ZYG11B: variants seen among roughly 807,000 people sequenced by gnomAD.
ZYG11B encodes the protein protein zyg-11 homolog B.
Under a neutral mutation model 82.4 loss-of-function variants are expected in ZYG11B, and 36 were observed. The observed-to-expected ratio is 0.44, with a 90% CI of 0.33 to 0.58. ZYG11B has a LOEUF of 0.58. Ranked by LOEUF, ZYG11B falls within the 20% of genes least tolerant of loss-of-function variation. ZYG11B has a pLI of 0.02. For missense variants in ZYG11B, 552 were observed against 895.6 expected, an observed-to-expected ratio of 0.62 and a Z score of 4.90; for synonymous variants, 303 against 312.8, an observed-to-expected ratio of 0.97 and a Z score of 0.33.
chr1:52,744,548 A>G (rs1644460787), intron 1 of ZYG11B, among the ~76,000 whole-genome samples: 2 of 152,200 alleles, frequency 1.3e-5, no homozygotes, highest in Non-Finnish European at 2.9e-5. Context: ...TAACTACGAT[A>G]TTTCTAGAGA....
chr1:52,738,777 A>G (rs1212196356), intron 1 of ZYG11B, among the ~76,000 whole-genome samples: 1 of 150,690 alleles, frequency 6.6e-6, no homozygotes, highest in Non-Finnish European at 1.5e-5. Context: ...GCACCACCAC[A>G]CCTGGCTAAT....
intron 1 of ZYG11B, among the ~76,000 whole-genome samples, chr1:52,731,183 G>A (rs1644328932): frequency 6.6e-6 from 1 of 151,366 alleles, no homozygotes; most frequent in African/African-American, 2.4e-5. Context: ...TGAGGCAGGA[G>A]AATTGCTTGA....
chr1:52,740,534 T>C (rs185207981), intron 1 of ZYG11B, among the ~76,000 whole-genome samples: 6 of 152,102 alleles, frequency 3.9e-5, no homozygotes, highest in Non-Finnish European at 7.4e-5. Flanking sequence ...TGTTATCTAT[T>C]GTCTGTGATC....
At chr1:52,813,076 C>T (rs1339320635) in intron 10 of ZYG11B, among the ~76,000 whole-genome samples, 1 of 152,176 alleles carries the variant, frequency 6.6e-6, no homozygotes, top group Non-Finnish European at 1.5e-5. Context: ...AAATACTTTG[C>T]TTATTATAAG....
At chr1:52,794,014 C>T (rs760319763) in intron 6 of ZYG11B, among the ~76,000 whole-genome samples, 1 of 151,462 alleles carries the variant, frequency 6.6e-6, no homozygotes, top group Non-Finnish European at 1.5e-5. Context: ...CTCACTCTGT[C>T]GCCAGGCTGG....
intron 2 of ZYG11B, among the ~76,000 whole-genome samples, chr1:52,769,371 C>T (rs560328997): frequency 4.6e-5 from 7 of 151,986 alleles, no homozygotes; most frequent in African/African-American, 1.7e-4. Flanking sequence ...TTTATTTAAC[C>T]CAATATATTA....
chr1:52,768,075 T>C (rs752751397), intron 2 of ZYG11B, among the ~76,000 whole-genome samples: 52 of 152,216 alleles, frequency 3.4e-4, no homozygotes, highest in Non-Finnish European at 2.2e-4. Context: ...TAGGCCCCTA[T>C]TGGCATTTGC....
At position 52,821,429 on chromosome 1, in the gene ZYG11B, T is replaced by TC. The variant is rs1481999996; in HGVS notation, c.2045-9dup. On this transcript the variant is annotated splice_polypyrimidine_tract_variant and intron_variant, in intron 13 of 13. Coordinates refer to ENST00000294353, the MANE Select transcript of ZYG11B (RefSeq NM_024646.3). ...CTCCTGTTTTGTGTGTGTTTTTTTT[T>TC]CTTTTTCAGCTTCAAGGTATTGCAG... The TC allele has an allele frequency of 6.6e-7, 1 of 1,526,568 alleles. No homozygotes were observed. The highest frequency in any genetic ancestry group is 8.8e-7 in the Non-Finnish European group (1 of 1,133,656). 94.6% of individuals were successfully genotyped at this position (1,526,568 alleles called of 1,614,324 possible).
intron 2 of ZYG11B, among the ~76,000 whole-genome samples, chr1:52,759,227 C>T (rs1461036644): frequency 6.6e-6 from 1 of 152,130 alleles, no homozygotes; most frequent in Non-Finnish European, 1.5e-5. Context: ...CCACTGCACC[C>T]AGCCAGTGCT....
intron 8 of ZYG11B, among the ~76,000 whole-genome samples, chr1:52,798,099 G>A: frequency 6.6e-6 from 1 of 151,654 alleles, no homozygotes; most frequent in East Asian, 2.0e-4. Context: ...CTCCAGCCTG[G>A]GTGATGGAGT....
chr1:52,742,341 A>T (rs892171416), intron 1 of ZYG11B, among the ~76,000 whole-genome samples: 1 of 152,036 alleles, frequency 6.6e-6, no homozygotes, highest in East Asian at 1.9e-4. Flanking sequence ...AGTCCCAGCT[A>T]TTCGGATGGC....
intron 3 of ZYG11B, among the ~76,000 whole-genome samples, chr1:52,773,611 A>ATATATATATG (rs1644774303): frequency 6.5e-5 from 1 of 15,454 alleles, no homozygotes; most frequent in East Asian, 1.6e-3. Flanking sequence ...ATATATATAT[A>ATATATATATG]TATATATATA....
At position 52,821,620 on chromosome 1, in the gene ZYG11B, AC is replaced by A. The variant is rs1645285061; in HGVS notation, c.2227del (p.Leu743Ter). ...PPCKKQPQAR[L>X]N ...CCTGTAAAAAACAGCCCCAAGCCAGACTAAATTGATAGCCATAAGTATTGGA... is the reference window on the plus strand; with the variant it reads ...CCTGTAAAAAACAGCCCCAAGCCAGATAAATTGATAGCCATAAGTATTGGA... On this transcript the variant is annotated frameshift_variant, in exon 14 of 14. Coordinates refer to ENST00000294353, the MANE Select transcript of ZYG11B (RefSeq NM_024646.3). LOFTEE classifies it high-confidence loss of function. 6.2e-7 allele frequency: 1 copy of A among 1,609,682 alleles called. No individual in the cohort carries two copies. Among genetic ancestry groups the A allele is most frequent in the Non-Finnish European group, 8.5e-7 (1 of 1,178,614 alleles).
At chr1:52,786,313 G>A (rs1644911316) in intron 5 of ZYG11B, among the ~76,000 whole-genome samples, 1 of 152,174 alleles carries the variant, frequency 6.6e-6, no homozygotes. Context: ...TGGGGTGATG[G>A]AAATGTTTGG....
In ZYG11B at chr1:52,783,398, G is replaced by A. The variant is rs376941991; in HGVS notation, c.1093-1479G>A. ...CAGTACAGAATAAAAAATTGATATA[G>A]GAGTAGGAGGGGTGAACAGCTTCCT... On this transcript the variant is annotated intron_variant, in intron 4 of 13. Transcript: ENST00000294353. 9.9e-5 allele frequency among the ~76,000 whole-genome samples: 15 copies of A among 152,112 alleles called. No homozygotes were observed. The South Asian group carries it at 3.1e-3, about 32-fold the overall frequency.
At chr1:52,732,214 A>C (rs1211210326) in intron 1 of ZYG11B, among the ~76,000 whole-genome samples, 1 of 152,200 alleles carries the variant, frequency 6.6e-6, no homozygotes, top group Non-Finnish European at 1.5e-5. Context: ...GGAATCAATA[A>C]ATAAATTGAA....
intron 1 of ZYG11B, among the ~76,000 whole-genome samples, chr1:52,748,099 A>G (rs1461005790): frequency 1.3e-5 from 2 of 152,194 alleles, no homozygotes; most frequent in African/African-American, 4.8e-5. Flanking sequence ...CTTTGGCCTC[A>G]TTCTTGTGTT....
chr1:52,771,177 T>C lies in ZYG11B; in HGVS notation c.354T>C (p.Asp118=). The C allele has an allele frequency of 1.9e-6, 3 of 1,614,254 alleles. No individual in the cohort carries two copies. Among genetic ancestry groups the C allele is most frequent in the Non-Finnish European group, 2.5e-6 (3 of 1,180,050 alleles). The change falls in exon 3 of 14, where the codon GAT becomes GAC. Residue 118 remains aspartate (D), a synonymous_variant. Transcript: ENST00000294353. The surrounding 1 kb of genome is among the most constrained non-coding windows in gnomAD (Gnocchi z 5.4). ...TTGATGCCACAGGTGTGAATGCTGA[T>C]ATCACGATTACAGACATTATCAGTG... The part of the protein sequence containing the change: ...VELDATGVNA[D]ITITDIISGL...
At chr1:52,783,777 C>A (rs1644877400) in intron 4 of ZYG11B, among the ~76,000 whole-genome samples, 1 of 79,342 alleles carries the variant, frequency 1.3e-5, no homozygotes, top group African/African-American at 4.5e-5. Flanking sequence ...CGTGTACTAC[C>A]ATGCCCAGCT....
Sources: gnomAD v4.1 joint callset for allele counts (sites outside exome capture counted in the v4.1 genomes callset) on GRCh38, gnomAD v4.1.1 for gene constraint, Gnocchi (gnomAD v3.1) non-coding constraint, MANE v1.5 for transcripts, NCBI Gene and HGNC (gene_info 2026-07-23, HGNC 2026-07-21) for gene names.